Variants in FSTL5 observed in about 807,000 individuals in gnomAD.
FSTL5 encodes the protein follistatin like 5.
A neutral mutation model predicts 89.1 loss-of-function variants in FSTL5; 62 were observed. The observed-to-expected ratio is 0.70, with a 90% CI of 0.57 to 0.86. FSTL5 has a LOEUF of 0.86. Ranked by LOEUF, FSTL5 falls within the 40% of genes least tolerant of loss-of-function variation. FSTL5 has a pLI of 0.00. For missense variants in FSTL5, 1,057 were observed against 1,001.6 expected, an observed-to-expected ratio of 1.06 and a Z score of -0.75; for synonymous variants, 383 against 346.2, an observed-to-expected ratio of 1.11 and a Z score of -1.18.
chr4:161,501,731 T>C (rs1403855641), intron 11 of FSTL5, among the ~76,000 whole-genome samples: 2 of 151,978 alleles, frequency 1.3e-5, no homozygotes, highest in African/African-American at 4.8e-5. Flanking sequence ...CAAGTCACGT[T>C]TTATATAAAA....
rs908042303 is a variant in FSTL5, at chr4:161,576,540, C to T, written c.1015+10915G>A. ...TACACATCTGCAGCCATCTGATCTT[C>T]GACAAACCTGACAAAAACAAGCAAC... On this transcript the variant is annotated intron_variant, in intron 8 of 15. Coordinates refer to ENST00000306100, the MANE Select transcript of FSTL5 (RefSeq NM_020116.5). Among the ~76,000 whole-genome samples the T allele has an allele frequency of 8.6e-5, 13 of 152,002 alleles. No individual in the cohort carries two copies. The East Asian group carries it at 9.7e-4, about 11-fold the overall frequency.
chr4:161,669,875 G>T (rs1367231742), intron 6 of FSTL5, among the ~76,000 whole-genome samples: 1 of 151,882 alleles, frequency 6.6e-6, no homozygotes, highest in African/African-American at 2.4e-5. Flanking sequence ...TTATTACATA[G>T]AAATTAAGTG....
At chr4:161,690,222 A>T (rs562119642) in intron 6 of FSTL5, among the ~76,000 whole-genome samples, 1 of 152,252 alleles carries the variant, frequency 6.6e-6, no homozygotes, top group African/African-American at 2.4e-5. Context: ...ATTTTACTCT[A>T]CCAATAGCAG....
chr4:161,894,162 A>T (rs1308445475), intron 4 of FSTL5, among the ~76,000 whole-genome samples: 1 of 152,146 alleles, frequency 6.6e-6, no homozygotes, highest in Non-Finnish European at 1.5e-5. Context: ...TAAGTCTTAG[A>T]TGAGTGTTTG....
intron 4 of FSTL5, among the ~76,000 whole-genome samples, chr4:161,917,191 C>T (rs184842884): frequency 1.2e-4 from 18 of 152,160 alleles, no homozygotes; most frequent in African/African-American, 4.1e-4. Flanking sequence ...CTCCTGGCCT[C>T]GTGATCCACC....
At chr4:161,675,822 A>G (rs987978877) in intron 6 of FSTL5, among the ~76,000 whole-genome samples, 5 of 152,088 alleles carry the variant, frequency 3.3e-5, no homozygotes, top group Non-Finnish European at 4.4e-5. Context: ...TTGTTAATGT[A>G]TATCTTATAT....
chr4:161,407,353 T>A (rs779149063), intron 15 of FSTL5, among the ~76,000 whole-genome samples: 1 of 152,058 alleles, frequency 6.6e-6, no homozygotes, highest in Non-Finnish European at 1.5e-5. Flanking sequence ...ACCAACATAA[T>A]TTGAACAGAT....
chr4:161,389,120 G>A (rs1730739372), intron 15 of FSTL5, among the ~76,000 whole-genome samples: 1 of 151,956 alleles, frequency 6.6e-6, no homozygotes, highest in African/African-American at 2.4e-5. Context: ...ATTTCCCCTA[G>A]TACAGATTGA....
intron 3 of FSTL5, among the ~76,000 whole-genome samples, chr4:161,939,901 G>A (rs918622695): frequency 2.0e-5 from 3 of 151,714 alleles, no homozygotes; most frequent in Non-Finnish European, 4.4e-5. Flanking sequence ...CCAAAAAACA[G>A]TCAAAACTGC....
At chr4:161,569,168 A>T in intron 8 of FSTL5, among the ~76,000 whole-genome samples, 1 of 152,114 alleles carries the variant, frequency 6.6e-6, no homozygotes, top group East Asian at 1.9e-4. Context: ...TTTAGTGGAG[A>T]TGAGATCTCA....
intron 10 of FSTL5, among the ~76,000 whole-genome samples, chr4:161,532,991 T>C (rs1731471737): frequency 6.7e-6 from 1 of 149,736 alleles, no homozygotes; most frequent in Admixed American, 6.8e-5. Flanking sequence ...GAGTGAACAA[T>C]AACATTAACG....
intron 1 of FSTL5, among the ~76,000 whole-genome samples, chr4:162,150,441 A>C (rs1733183343): frequency 6.6e-6 from 1 of 152,188 alleles, no homozygotes; most frequent in South Asian, 2.1e-4. Context: ...AATGTGTCTG[A>C]GGTACAATAA....
At chr4:161,649,473 AAAAC>A (rs556792476) in intron 7 of FSTL5, among the ~76,000 whole-genome samples, 71 of 152,338 alleles carry the variant, frequency 4.7e-4, no homozygotes, top group African/African-American at 1.5e-3. Context: ...CTATAAAAGC[AAAAC>A]AAACAACAAA....
chr4:162,087,004 A>T (rs1048110531), intron 2 of FSTL5, among the ~76,000 whole-genome samples: 1 of 152,094 alleles, frequency 6.6e-6, no homozygotes, highest in Non-Finnish European at 1.5e-5. Context: ...TGTTTTATTT[A>T]TAGCCACAAA....
intron 2 of FSTL5, among the ~76,000 whole-genome samples, chr4:162,048,803 T>C (rs576705967): frequency 1.3e-4 from 20 of 152,290 alleles, no homozygotes; most frequent in Non-Finnish European, 1.5e-4. Context: ...TTAGATATTC[T>C]GAAGAAGATA....
intron 3 of FSTL5, among the ~76,000 whole-genome samples, chr4:162,028,836 G>A (rs1458427589): frequency 6.6e-6 from 1 of 152,092 alleles, no homozygotes; most frequent in Admixed American, 6.6e-5. Flanking sequence ...CTAAGAATCT[G>A]AAGGCCCATT....
chr4:162,095,896 A>C (rs1730731887), intron 2 of FSTL5, among the ~76,000 whole-genome samples: 1 of 151,970 alleles, frequency 6.6e-6, no homozygotes, highest in Non-Finnish European at 1.5e-5. Context: ...ATTTTAAACA[A>C]GTACATTAGA....
intron 8 of FSTL5, among the ~76,000 whole-genome samples, chr4:161,586,242 C>A (rs1733613442): frequency 6.6e-6 from 1 of 152,118 alleles, no homozygotes; most frequent in Non-Finnish European, 1.5e-5. Context: ...ACTTTCAATG[C>A]AATGTATACA....
At chr4:161,416,446 A>G (rs1731782806) in intron 15 of FSTL5, among the ~76,000 whole-genome samples, 2 of 152,234 alleles carry the variant, frequency 1.3e-5, no homozygotes, top group Non-Finnish European at 2.9e-5. Context: ...TATTTTAAAT[A>G]TGAATAAAAT....
Sources: allele counts gnomAD v4.1 joint callset (sites outside exome capture counted in the v4.1 genomes callset), GRCh38; gene constraint gnomAD v4.1.1; transcripts MANE v1.5; gene names NCBI Gene and HGNC (gene_info 2026-07-23, HGNC 2026-07-21).